Variants in TRMT9B observed in about 807,000 individuals in gnomAD.
TRMT9B encodes probable tRNA methyltransferase 9B.
TRMT9B carries 16 observed loss-of-function variants against 11.5 expected under a neutral mutation model. The observed-to-expected ratio is 1.39, with a 90% CI of 0.94 to 2.11. The LOEUF is 2.11. Ranked by LOEUF, TRMT9B falls within the 30% of genes most tolerant of loss-of-function variation. The pLI is 0.00. For synonymous variants in TRMT9B, 274 were observed against 192.4 expected, an observed-to-expected ratio of 1.42 and a Z score of -3.51; for missense variants, 941 against 553.8, an observed-to-expected ratio of 1.70 and a Z score of -7.02.
At chr8:13,011,145 C>G (rs1811533968) in intron 3 of TRMT9B, 1 of 328,990 alleles carries the variant, frequency 3.0e-6, no homozygotes, top group Admixed American at 6.5e-5. Context: ...TGCCACCACA[C>G]CCAGCTAATT....
rs139976059 is a variant in TRMT9B at position 12,977,325 on chromosome 8, C to A, written c.-199-13509C>A. Among the ~76,000 whole-genome samples, 644 of 152,236 alleles carry A rather than the reference C, an allele frequency of 4.2e-3. 5 individuals carry two copies. Among genetic ancestry groups the A allele is most frequent in the African/African-American group, 0.013 (557 of 41,546 alleles). Reference sequence around the variant, plus strand: ...ATGTGTTACTGTGCACACAGATAACCGTCAACCTGTTCACGACCCCAGTGG... The same window carrying A: ...ATGTGTTACTGTGCACACAGATAACAGTCAACCTGTTCACGACCCCAGTGG... On this transcript the variant is annotated intron_variant, in intron 1 of 4. Coordinates refer to ENST00000524591, the MANE Select transcript of TRMT9B (RefSeq NM_020844.3).
chr8:12,960,617 T>C (rs1265028010), intron 1 of TRMT9B: 2 of 152,202 alleles, frequency 1.3e-5, no homozygotes, highest in Non-Finnish European at 2.9e-5. Flanking sequence ...AATGGAATAT[T>C]ATTTAGTGAT....
chr8:12,949,216 A>G (rs1800419723), intron 1 of TRMT9B, among the ~76,000 whole-genome samples: 1 of 152,082 alleles, frequency 6.6e-6, no homozygotes, highest in South Asian at 2.1e-4. Flanking sequence ...AGGAAATGCC[A>G]TAGGATTGGT....
intron 1 of TRMT9B, among the ~76,000 whole-genome samples, chr8:12,989,997 G>T (rs547867793): frequency 6.6e-6 from 1 of 152,294 alleles, no homozygotes; most frequent in South Asian, 2.1e-4. Flanking sequence ...TAGGGGCCAG[G>T]ACTAGGGTTG....
chr8:12,992,416 A>G (rs189595349), intron 2 of TRMT9B, among the ~76,000 whole-genome samples: 15 of 152,056 alleles, frequency 9.9e-5, no homozygotes, highest in Admixed American at 9.8e-4. Flanking sequence ...GCTCTTTGGG[A>G]GGCCTGGGTA....
At chr8:12,964,139 A>G (rs569147858) in intron 1 of TRMT9B, among the ~76,000 whole-genome samples, 11 of 152,352 alleles carry the variant, frequency 7.2e-5, no homozygotes, top group African/African-American at 2.4e-4. Flanking sequence ...AGGAAACTCA[A>G]AAAGACTCGT....
At chr8:13,013,079 T>C (rs1811959399) in intron 4 of TRMT9B, among the ~76,000 whole-genome samples, 1 of 152,250 alleles carries the variant, frequency 6.6e-6, no homozygotes, top group Non-Finnish European at 1.5e-5. Flanking sequence ...CAACTTGGTA[T>C]TGCAGTTTTT....
In TRMT9B at chr8:13,021,925, C is replaced by G. The variant is rs372924745; in HGVS notation, c.1246C>G (p.Arg416Gly). The G allele has an allele frequency of 6.2e-7, 1 of 1,613,686 alleles. No individual in the cohort carries two copies. Among genetic ancestry groups the G allele is most frequent in the Admixed American group, 1.7e-5 (1 of 60,004 alleles). ...CTTTATGCGCTACTACCATGTGTTT[C>G]GAGAAGGGGAGCTCTGCAGTCTGCT... Reference protein sequence around the residue: ...TAFMRYYHVFREGELCSLLKE... With the variant: ...TAFMRYYHVFGEGELCSLLKE... The change falls in exon 5 of 5, where the codon CGA becomes GGA. Residue 416 changes from arginine (R) to glycine (G), a missense_variant. By Grantham distance (125) the Arg-to-Gly change is moderately radical. Coordinates refer to ENST00000524591, the MANE Select transcript of TRMT9B (RefSeq NM_020844.3).
At chr8:12,953,286 T>G (rs1800872421) in intron 1 of TRMT9B, among the ~76,000 whole-genome samples, 2 of 152,200 alleles carry the variant, frequency 1.3e-5, no homozygotes, top group African/African-American at 4.8e-5. Flanking sequence ...CAATTAAAAT[T>G]GCTATTATTC....
At position 12,991,021 on chromosome 8, in the gene TRMT9B, G is replaced by T; in HGVS notation, c.-12G>T. 1 of 1,262,370 alleles carries T rather than the reference G, an allele frequency of 7.9e-7. No individual in the cohort carries two copies. Among genetic ancestry groups the T allele is most frequent in the South Asian group, 1.3e-5 (1 of 75,098 alleles). 78.2% of individuals were successfully genotyped at this position (1,262,370 alleles called of 1,614,324 possible). On this transcript the variant is annotated 5_prime_UTR_variant, in exon 2 of 5. It adds an upstream start codon to the 5' untranslated region. Coordinates refer to ENST00000524591, the MANE Select transcript of TRMT9B (RefSeq NM_020844.3). ...AAGAGGTAATTTTCCTGTAATCACA[G>T]GATGACTCAGGTTAGTAGCTTTCAG...
At chr8:13,018,299 G>A (rs1453375097) in intron 4 of TRMT9B, among the ~76,000 whole-genome samples, 1 of 150,432 alleles carries the variant, frequency 6.6e-6, no homozygotes, top group Non-Finnish European at 1.5e-5. Flanking sequence ...CTACTCAGGA[G>A]GCTGAGAGAG....
intron 1 of TRMT9B, among the ~76,000 whole-genome samples, chr8:12,949,816 C>G (rs779864741): frequency 2.0e-5 from 3 of 152,116 alleles, no homozygotes; most frequent in East Asian, 1.9e-4. Context: ...GAAAGCATAT[C>G]AAATATACTT....
chr8:13,011,809 T>C (rs1401547901), intron 3 of TRMT9B: 2 of 958,642 alleles, frequency 2.1e-6, no homozygotes, highest in South Asian at 4.8e-5. Context: ...TCATTTTAAA[T>C]GTAGCAATGA....
In TRMT9B at chr8:13,027,483, G is replaced by C. The variant is rs1814825825; in HGVS notation, c.*5439G>C. 6.0e-6 allele frequency: 1 copy of C among 167,020 alleles called. No homozygotes were observed. The highest frequency in any genetic ancestry group is 1.5e-5 in the Non-Finnish European group (1 of 68,128). The allele number at this position is 167,020 out of a possible 1,614,324, so 10.3% of individuals were successfully genotyped here. A position where few individuals can be genotyped will look rare whatever the true frequency, so the allele number is the denominator to read the frequency against. On this transcript the variant is annotated 3_prime_UTR_variant, in exon 5 of 5. Coordinates refer to ENST00000524591, the MANE Select transcript of TRMT9B (RefSeq NM_020844.3). Reference sequence around the variant, plus strand: ...ATTTCAGAAAATAATATGTCTTACAGAATAAATGCAGACTCCTTTGGATGG... The same window carrying C: ...ATTTCAGAAAATAATATGTCTTACACAATAAATGCAGACTCCTTTGGATGG...
At chr8:13,005,683 T>C (rs1243178787) in intron 2 of TRMT9B, among the ~76,000 whole-genome samples, 1 of 152,206 alleles carries the variant, frequency 6.6e-6, no homozygotes, top group Non-Finnish European at 1.5e-5. Context: ...GAGAACCGTT[T>C]TGCCAGCTGT....
In TRMT9B at chr8:13,022,786, G is replaced by T. The variant is rs978277444; in HGVS notation, c.*742G>T. On this transcript the variant is annotated 3_prime_UTR_variant, in exon 5 of 5. Transcript: ENST00000524591. ...GCAGAAGGATCACTTGAACCCAGGAGTTCAAGAATAGCCTGGGCAACATAG... is the reference window on the plus strand; with the variant it reads ...GCAGAAGGATCACTTGAACCCAGGATTTCAAGAATAGCCTGGGCAACATAG... 6 of 166,114 alleles carry T rather than the reference G, an allele frequency of 3.6e-5. No homozygotes were observed. The highest frequency in any genetic ancestry group is 2.1e-4 in the South Asian group (1 of 4,834). The allele number at this position is 166,114 out of a possible 1,614,324, so 10.3% of individuals were successfully genotyped here. A position where few individuals can be genotyped will look rare whatever the true frequency, so the allele number is the denominator to read the frequency against.
At chr8:12,991,879 C>G (rs575348123) in intron 2 of TRMT9B, among the ~76,000 whole-genome samples, 3 of 152,080 alleles carry the variant, frequency 2.0e-5, no homozygotes, top group Non-Finnish European at 4.4e-5. Flanking sequence ...TGCAGCAAGC[C>G]GAGATTGCGC....
Position 13,029,300 on chromosome 8 carries a change from A to T in TRMT9B, c.*7256A>T. On this transcript the variant is annotated 3_prime_UTR_variant, in exon 5 of 5. Transcript: ENST00000524591. ...CAAAAGTGCAAAAACTTTTTTCTAC[A>T]ATGTACAGTTATTTTGACTTTTCCC... 6.0e-6 allele frequency: 1 copy of T among 167,174 alleles called. No individual in the cohort carries two copies. Among genetic ancestry groups the T allele is most frequent in the Middle Eastern group, 3.4e-3 (1 of 296 alleles). 10.4% of individuals were successfully genotyped at this position (167,174 alleles called of 1,614,324 possible).
At chr8:12,984,354 T>C (rs1395385956) in intron 1 of TRMT9B, among the ~76,000 whole-genome samples, 1 of 152,208 alleles carries the variant, frequency 6.6e-6, no homozygotes, top group Non-Finnish European at 1.5e-5. Flanking sequence ...TTGGGAGCAA[T>C]TGTGTTACAC....
Sources: allele counts gnomAD v4.1 joint callset (sites outside exome capture counted in the v4.1 genomes callset), GRCh38; gene constraint gnomAD v4.1.1; transcripts MANE v1.5; gene names NCBI Gene and HGNC (gene_info 2026-07-23, HGNC 2026-07-21).